Variants in EPHA6 observed in about 807,000 individuals in gnomAD.
EPHA6 encodes the protein EPH receptor A6, also known as ephrin type-A receptor 6.
In EPHA6, 50 loss-of-function variants were observed where a neutral mutation model predicts 112.0. The observed-to-expected ratio is 0.45, with a 90% CI of 0.36 to 0.56. The LOEUF is 0.56. Ranked by LOEUF, EPHA6 falls within the 20% of genes least tolerant of loss-of-function variation. EPHA6 has a pLI of 0.00. For synonymous variants in EPHA6, 529 were observed against 490.7 expected, an observed-to-expected ratio of 1.08 and a Z score of -1.03; for missense variants, 1,280 against 1,417.4, an observed-to-expected ratio of 0.90 and a Z score of 1.56.
rs542958753 is a variant in EPHA6 at position 97,363,903 on chromosome 3, C to T, written c.1607-41247C>T. ...GAGGCTAAGTGAACTAAGTCAGTCACGAAAGGAGAAAGGATGTATAATTCC... is the reference window on the plus strand; with the variant it reads ...GAGGCTAAGTGAACTAAGTCAGTCATGAAAGGAGAAAGGATGTATAATTCC... On this transcript the variant is annotated intron_variant, in intron 5 of 17. Transcript: ENST00000389672. Among the ~76,000 whole-genome samples the T allele has an allele frequency of 5.9e-5, 9 of 151,998 alleles. No homozygotes were observed. The East Asian group carries it at 1.4e-3, about 23-fold the overall frequency.
intron 5 of EPHA6, among the ~76,000 whole-genome samples, chr3:97,363,844 C>A (rs1284453841): frequency 6.6e-6 from 1 of 152,034 alleles, no homozygotes; most frequent in African/African-American, 2.4e-5. Context: ...GAAATTCTTA[C>A]ACATGCTATA....
At chr3:97,498,785 C>T (rs888958302) in intron 10 of EPHA6, among the ~76,000 whole-genome samples, 4 of 152,108 alleles carry the variant, frequency 2.6e-5, no homozygotes, top group Non-Finnish European at 5.9e-5. Context: ...ACCTAGGTTG[C>T]GTGCTCCTTA....
intron 3 of EPHA6, among the ~76,000 whole-genome samples, chr3:97,043,082 A>G (rs916044247): frequency 2.0e-5 from 3 of 152,114 alleles, no homozygotes; most frequent in Admixed American, 6.6e-5. Context: ...GTTTAATCCT[A>G]TCATTCCTTT....
At position 97,467,024 on chromosome 3, in the gene EPHA6, C is replaced by G. The variant is rs557963779; in HGVS notation, c.1895-8328C>G. On this transcript the variant is annotated intron_variant, in intron 7 of 17. Coordinates refer to ENST00000389672, the MANE Select transcript of EPHA6 (RefSeq NM_001080448.3). Reference sequence around the variant, plus strand: ...TTTTCGGTGGAGAATACCACCCTCCCCCTCTTGTCCTGTGACCTTCACACA... The same window carrying G: ...TTTTCGGTGGAGAATACCACCCTCCGCCTCTTGTCCTGTGACCTTCACACA... 9.2e-4 allele frequency among the ~76,000 whole-genome samples: 139 copies of G among 151,870 alleles called. No individual in the cohort carries two copies. The South Asian group carries it at 0.014, about 15-fold the overall frequency.
chr3:97,235,694 C>A (rs191721929), intron 4 of EPHA6, among the ~76,000 whole-genome samples: 13 of 152,160 alleles, frequency 8.5e-5, no homozygotes, highest in Admixed American at 6.6e-4. Context: ...CTGCTTATAG[C>A]CTTTCACATC....
chr3:97,684,843 C>T (rs979417271), intron 14 of EPHA6, among the ~76,000 whole-genome samples: 1 of 152,176 alleles, frequency 6.6e-6, no homozygotes, highest in South Asian at 2.1e-4. Context: ...CAGTTCATTA[C>T]AGATCCAGTC....
intron 5 of EPHA6, among the ~76,000 whole-genome samples, chr3:97,334,429 A>G (rs2082952811): frequency 6.6e-6 from 1 of 151,230 alleles, no homozygotes; most frequent in Non-Finnish European, 1.5e-5. Flanking sequence ...TTGTGCCTGG[A>G]CAACTTTTTA....
chr3:97,614,984 A>G (rs979904052), intron 13 of EPHA6, among the ~76,000 whole-genome samples: 2 of 152,190 alleles, frequency 1.3e-5, no homozygotes, highest in African/African-American at 4.8e-5. Context: ...ATGGCTGACT[A>G]GAAGCAGCTA....
At chr3:97,126,452 A>G (rs1250168873) in intron 3 of EPHA6, among the ~76,000 whole-genome samples, 1 of 152,184 alleles carries the variant, frequency 6.6e-6, no homozygotes, top group Non-Finnish European at 1.5e-5. Flanking sequence ...TTTATCCAAG[A>G]CTGCTTTATT....
intron 5 of EPHA6, among the ~76,000 whole-genome samples, chr3:97,249,534 G>GT (rs1358949808): frequency 6.6e-6 from 1 of 152,066 alleles, no homozygotes; most frequent in Non-Finnish European, 1.5e-5. Context: ...TTAGAAATTC[G>GT]TTTGCAGAGA....
At chr3:97,593,812 T>G (rs1258054107) in intron 12 of EPHA6, among the ~76,000 whole-genome samples, 1 of 152,206 alleles carries the variant, frequency 6.6e-6, no homozygotes, top group Non-Finnish European at 1.5e-5. Context: ...CACTGGATAA[T>G]TTATTGATGT....
At chr3:97,435,033 G>T (rs1009325319) in intron 6 of EPHA6, among the ~76,000 whole-genome samples, 2 of 151,928 alleles carry the variant, frequency 1.3e-5, no homozygotes, top group Non-Finnish European at 2.9e-5. Flanking sequence ...CAAGACAAAA[G>T]TTTAAACTGC....
At chr3:97,221,112 G>A (rs2078181595) in intron 3 of EPHA6, among the ~76,000 whole-genome samples, 1 of 151,748 alleles carries the variant, frequency 6.6e-6, no homozygotes, top group Non-Finnish European at 1.5e-5. Context: ...TCAGGAGCTG[G>A]AGACCATCTG....
At chr3:97,468,140 G>GAA (rs767637133) in intron 7 of EPHA6, among the ~76,000 whole-genome samples, 20 of 124,096 alleles carry the variant, frequency 1.6e-4, no homozygotes, top group South Asian at 1.5e-3. Context: ...ATCACTTTCT[G>GAA]AAAAAAAAAA....
chr3:96,983,887 A>G (rs1683820598), intron 2 of EPHA6, among the ~76,000 whole-genome samples: 1 of 152,224 alleles, frequency 6.6e-6, no homozygotes, highest in East Asian at 1.9e-4. Context: ...TTCTCATGCC[A>G]TGGTTTTCCA....
intron 11 of EPHA6, among the ~76,000 whole-genome samples, chr3:97,577,324 G>C (rs2093395971): frequency 6.6e-6 from 1 of 152,134 alleles, no homozygotes; most frequent in African/African-American, 2.4e-5. Flanking sequence ...TAAAGATATT[G>C]AGAGAAAAAC....
intron 3 of EPHA6, among the ~76,000 whole-genome samples, chr3:97,105,641 G>A (rs1213342797): frequency 6.6e-6 from 1 of 152,082 alleles, no homozygotes; most frequent in Non-Finnish European, 1.5e-5. Context: ...GTTTTGGGTG[G>A]AGAGTTCTGC....
chr3:97,691,489 T>C (rs1398404763), intron 14 of EPHA6, among the ~76,000 whole-genome samples: 1 of 152,214 alleles, frequency 6.6e-6, no homozygotes, highest in African/African-American at 2.4e-5. Flanking sequence ...TTTTCTGTTG[T>C]TGGTTTTTTT....
Position 96,994,681 on chromosome 3 carries a change from A to ATG in EPHA6, c.1114+6698_1114+6699dup, listed in dbSNP as rs1170611401. ...GTTTAAAATTTTAGACCTGCTGAGAATGTGTGTGTGTATGTGTGTGTGTGT... is the reference window on the plus strand; with the variant it reads ...GTTTAAAATTTTAGACCTGCTGAGAATGTGTGTGTGTGTATGTGTGTGTGTGT... On this transcript the variant is annotated intron_variant, in intron 3 of 17. Coordinates refer to ENST00000389672, the MANE Select transcript of EPHA6 (RefSeq NM_001080448.3). Among the ~76,000 whole-genome samples, 130 of 132,376 alleles carry ATG rather than the reference A, an allele frequency of 9.8e-4. 1 individual carries two copies. Among genetic ancestry groups the ATG allele is most frequent in the African/African-American group, 3.6e-3 (123 of 34,382 alleles). The allele number at this position is 132,376 out of a possible 152,430, so 86.8% of individuals were successfully genotyped here. A position where few individuals can be genotyped will look rare whatever the true frequency, so the allele number is the denominator to read the frequency against.
Sources: gnomAD v4.1 joint callset for allele counts (sites outside exome capture counted in the v4.1 genomes callset) on GRCh38, gnomAD v4.1.1 for gene constraint, MANE v1.5 for transcripts, NCBI Gene and HGNC (gene_info 2026-07-23, HGNC 2026-07-21) for gene names.